Variants in PPFIBP1 observed in about 807,000 individuals in gnomAD.
The protein encoded by PPFIBP1 is liprin-beta-1.
A neutral mutation model predicts 137.8 loss-of-function variants in PPFIBP1; 112 were observed. That is an observed-to-expected ratio of 0.81 (90% CI 0.70 to 0.95). PPFIBP1 has a LOEUF of 0.95. Ranked by LOEUF, PPFIBP1 falls within the 40% of genes least tolerant of loss-of-function variation. The pLI is 0.00. For synonymous variants in PPFIBP1, 378 were observed against 417.3 expected, an observed-to-expected ratio of 0.91 and a Z score of 1.15; for missense variants, 1,083 against 1,196.6, an observed-to-expected ratio of 0.91 and a Z score of 1.40.
Position 27,650,089 on chromosome 12 carries a change from C to G in PPFIBP1, c.551C>G (p.Thr184Arg), listed in dbSNP as rs1196789967. The G allele has an allele frequency of 1.9e-6, 3 of 1,608,494 alleles. No individual in the cohort carries two copies. The highest frequency in any genetic ancestry group is 2.2e-5 in the South Asian group (2 of 90,960). ...ATATCTAACTTGAAGTTGAAACTGACAGCTGTAGAGAAGGACAGATTGGAT... is the reference window on the plus strand; with the variant it reads ...ATATCTAACTTGAAGTTGAAACTGAGAGCTGTAGAGAAGGACAGATTGGAT... Reference protein sequence around the residue: ...AEISNLKLKLTAVEKDRLDYE... With the variant: ...AEISNLKLKLRAVEKDRLDYE... Residue 184 changes from threonine to arginine, a missense_variant, in exon 7 of 30, where the codon ACA becomes AGA. Physicochemically the swap from Thr to Arg is moderately conservative, Grantham distance 71 (BLOSUM62 -1). Transcript: ENST00000228425.
intron 4 of PPFIBP1, among the ~76,000 whole-genome samples, chr12:27,638,210 A>C (rs1487524755): frequency 6.6e-6 from 1 of 152,222 alleles, no homozygotes; most frequent in African/African-American, 2.4e-5. Context: ...TAAAATGCTA[A>C]ATTTTACATA....
At chr12:27,545,046 A>G (rs181838694) in intron 1 of PPFIBP1, among the ~76,000 whole-genome samples, 363 of 152,344 alleles carry the variant, frequency 2.4e-3, no homozygotes, top group African/African-American at 8.1e-3. Context: ...ATGGAATACT[A>G]TGCAGCCATA....
intron 17 of PPFIBP1, among the ~76,000 whole-genome samples, chr12:27,674,995 G>T (rs1278492860): frequency 4.2e-4 from 58 of 138,846 alleles, no homozygotes; most frequent in Admixed American, 1.3e-3. Flanking sequence ...TTTTTCGTTT[G>T]TTTTTTTTTT....
rs185774782 is a variant in PPFIBP1 at position 27,654,046 on chromosome 12, G to A, written c.604-676G>A. On this transcript the variant is annotated intron_variant, in intron 7 of 29. Transcript: ENST00000228425. Reference sequence around the variant, plus strand: ...TACCCAGAGAATAGAGAATAGTTGAGAAACTTTGTGATGTTATATATGACG... The same window carrying A: ...TACCCAGAGAATAGAGAATAGTTGAAAAACTTTGTGATGTTATATATGACG... Among the ~76,000 whole-genome samples the A allele has an allele frequency of 3.3e-5, 5 of 152,296 alleles. No individual in the cohort carries two copies. In the East Asian group the frequency reaches 7.7e-4, roughly 23 times the overall value.
intron 19 of PPFIBP1, among the ~76,000 whole-genome samples, chr12:27,678,856 C>CAAAAAAAAAA (rs60834907): frequency 6.1e-5 from 6 of 98,964 alleles, no homozygotes; most frequent in South Asian, 8.2e-4. Flanking sequence ...GACTCTGTCT[C>CAAAAAAAAAA]AAAAAAAAAA....
At chr12:27,664,907 G>T (rs1455150349) in intron 12 of PPFIBP1, among the ~76,000 whole-genome samples, 1 of 152,202 alleles carries the variant, frequency 6.6e-6, no homozygotes, top group Non-Finnish European at 1.5e-5. Flanking sequence ...GTCAGCAGTG[G>T]TCAGGCGTGG....
chr12:27,673,112 T>A (rs766486244), intron 15 of PPFIBP1, among the ~76,000 whole-genome samples: 1 of 152,214 alleles, frequency 6.6e-6, no homozygotes, highest in Non-Finnish European at 1.5e-5. Context: ...ATACATTACT[T>A]CTCTGTCACT....
At chr12:27,599,710 G>A (rs748270929) in intron 2 of PPFIBP1, among the ~76,000 whole-genome samples, 2 of 152,160 alleles carry the variant, frequency 1.3e-5, no homozygotes, top group Non-Finnish European at 2.9e-5. Context: ...GTGATGGGAT[G>A]CACTGAGGGC....
At chr12:27,544,731 G>A (rs957344888) in intron 1 of PPFIBP1, among the ~76,000 whole-genome samples, 1 of 152,206 alleles carries the variant, frequency 6.6e-6, no homozygotes, top group Non-Finnish European at 1.5e-5. Context: ...TCATTAAATA[G>A]TCTGGAAACA....
At chr12:27,572,267 A>C (rs1335559040) in intron 1 of PPFIBP1, among the ~76,000 whole-genome samples, 1 of 152,250 alleles carries the variant, frequency 6.6e-6, no homozygotes, top group Admixed American at 6.5e-5. Context: ...TTGGTATACC[A>C]GGAAGCTGAA....
intron 2 of PPFIBP1, among the ~76,000 whole-genome samples, chr12:27,628,042 T>G (rs1194535966): frequency 6.6e-6 from 1 of 152,110 alleles, no homozygotes; most frequent in Non-Finnish European, 1.5e-5. Context: ...CACTCCTTTG[T>G]TGTGGTAGTG....
chr12:27,676,921 C>T (rs1265962382), intron 18 of PPFIBP1, 143 bp from the exon 19 acceptor site: 1 of 1,014,432 alleles, frequency 9.9e-7, no homozygotes, highest in Non-Finnish European at 1.5e-6. Flanking sequence ...CTGTGTGTAA[C>T]ATCAGAAGCA....
chr12:27,548,618 T>C (rs955376254), intron 1 of PPFIBP1: 1 of 152,234 alleles, frequency 6.6e-6, no homozygotes, highest in Non-Finnish European at 1.5e-5. Context: ...GTCATATCTG[T>C]AAAAGGCAAC....
chr12:27,609,574 C>T (rs146869657), intron 2 of PPFIBP1, among the ~76,000 whole-genome samples: 13 of 152,272 alleles, frequency 8.5e-5, no homozygotes, highest in South Asian at 2.1e-4. Flanking sequence ...TTGTATAAGA[C>T]GCAGGGAGAT....
intron 1 of PPFIBP1, among the ~76,000 whole-genome samples, chr12:27,574,561 A>T (rs1214572981): frequency 2.6e-5 from 4 of 152,214 alleles, no homozygotes; most frequent in Non-Finnish European, 5.9e-5. Flanking sequence ...GGGTCTTAAA[A>T]GTCCATGGAA....
At chr12:27,563,092 A>G (rs1464165495) in intron 1 of PPFIBP1, among the ~76,000 whole-genome samples, 1 of 151,442 alleles carries the variant, frequency 6.6e-6, no homozygotes, top group Non-Finnish European at 1.5e-5. Context: ...GGTTGGGGAT[A>G]GTTTTTTGAA....
rs767051300 is a variant in PPFIBP1 at position 27,687,494 on chromosome 12, G to A, written c.2357G>A (p.Arg786Gln). 57 of 1,613,574 alleles carry A rather than the reference G, an allele frequency of 3.5e-5. No individual in the cohort carries two copies. The highest frequency in any genetic ancestry group is 4.6e-5 in the Non-Finnish European group (54 of 1,179,744). ...TTTGAACCAAACTGTCTACGGAGGC[G>A]GCCATCTGATGAGGTAGTGTTTTAA... The part of the protein sequence containing the change: ...NNFEPNCLRR[R>Q]PSDENTIAPS... Residue 786 changes from arginine (R) to glutamine (Q), a missense_variant, in exon 25 of 30, where the codon CGG (arginine) becomes CAG (glutamine). By Grantham distance (43) the Arg-to-Gln change is conservative. Transcript: ENST00000228425.
At chr12:27,643,451 G>A (rs2058254778) in intron 4 of PPFIBP1, among the ~76,000 whole-genome samples, 1 of 132,892 alleles carries the variant, frequency 7.5e-6, no homozygotes, top group East Asian at 2.2e-4. Flanking sequence ...GAAGGTTCAT[G>A]TAGATACTGT....
chr12:27,691,891 G>A lies in PPFIBP1; in HGVS notation c.2828G>A (p.Arg943His), dbSNP rs61757741. 2.6e-3 allele frequency: 4,142 copies of A among 1,613,682 alleles called. 141 individuals carry two copies. In the East Asian group the frequency reaches 0.07, roughly 27 times the overall value. The change falls in exon 28 of 30, where the codon CGC becomes CAC. Residue 943 changes from arginine to histidine, a missense_variant. By Grantham distance (29) the Arg-to-His change is conservative. Transcript: ENST00000228425. ...KKGFKPGLDMRLYEEDDLDRL... is the reference protein window; with the variant it reads ...KKGFKPGLDMHLYEEDDLDRL... The stretch of plus-strand genomic sequence containing the variant: ...GGATTTAAACCTGGTTTGGATATGC[G>A]CCTGTATGAGGAAGATGATTTGGAC...
Sources: allele counts gnomAD v4.1 joint callset (sites outside exome capture counted in the v4.1 genomes callset), GRCh38; gene constraint gnomAD v4.1.1; transcripts MANE v1.5; gene names NCBI Gene and HGNC (gene_info 2026-07-23, HGNC 2026-07-21).